Variants in KBTBD12 observed in about 807,000 individuals in gnomAD.
The protein encoded by KBTBD12 is kelch repeat and BTB domain containing 12, also known as kelch repeat and BTB domain-containing protein 12.
Under a neutral mutation model 58.7 loss-of-function variants are expected in KBTBD12, and 53 were observed. The ratio of observed to expected loss-of-function variants is 0.90; its 90% confidence interval spans 0.72 to 1.14. The LOEUF (loss-of-function observed/expected upper bound fraction) is 1.14. Ranked by LOEUF, KBTBD12 falls within the 50% of genes most tolerant of loss-of-function variation. KBTBD12 has a pLI of 0.00. For missense variants in KBTBD12, 704 were observed against 751.3 expected (o/e 0.94, Z 0.74); for synonymous variants, 236 against 259.8 (o/e 0.91, Z 0.88).
At chr3:127,942,244 C>T (rs1010162365) in intron 4 of KBTBD12, among the ~76,000 whole-genome samples, 1 of 152,122 alleles carries the variant, frequency 6.6e-6, no homozygotes, top group African/African-American at 2.4e-5. Flanking sequence ...TATAATCAAG[C>T]TAATTAACAT....
chr3:127,984,330 C>G lies in KBTBD12; in HGVS notation c.*52C>G. On this transcript the variant is annotated 3_prime_UTR_variant, in exon 6 of 6. Coordinates refer to ENST00000405109, the MANE Select transcript of KBTBD12 (RefSeq NM_207335.4). ...TGTTCTGCAAACAAGGCCTTCAGAA[C>G]GGAGAGGGCCCACAGCATCTCTGTC... The G allele has an allele frequency of 6.7e-7, 1 of 1,500,854 alleles. No homozygotes were observed. The allele number at this position is 1,500,854 out of a possible 1,614,324, so 93.0% of individuals were successfully genotyped here. A position where few individuals can be genotyped will look rare whatever the true frequency, so the allele number is the denominator to read the frequency against.
At chr3:127,917,284 TCA>T (rs1188200062) in intron 1 of KBTBD12, among the ~76,000 whole-genome samples, 16 of 152,288 alleles carry the variant, frequency 1.1e-4, no homozygotes, top group African/African-American at 2.6e-4. Context: ...CTAGGGCAGC[TCA>T]CAGAATTCAG....
At chr3:127,948,539 T>G (rs1347337484) in intron 4 of KBTBD12, among the ~76,000 whole-genome samples, 1 of 152,244 alleles carries the variant, frequency 6.6e-6, no homozygotes, top group Non-Finnish European at 1.5e-5. Flanking sequence ...TGTGATGTTT[T>G]TCCATAACTG....
At chr3:127,956,475 A>G (rs551656287) in intron 4 of KBTBD12, among the ~76,000 whole-genome samples, 1 of 152,056 alleles carries the variant, frequency 6.6e-6, no homozygotes, top group Non-Finnish European at 1.5e-5. Flanking sequence ...AAAAAAAAAA[A>G]ATCCTCAAAC....
Position 127,964,359 on chromosome 3 carries a change from C to T in KBTBD12, c.1690+973C>T, listed in dbSNP as rs372160814. ...GTTAAAGAATAAGATGGTGGCTGGG[C>T]GCGGTGGCTCACACCTGTAATCCTA... On this transcript the variant is annotated intron_variant, in intron 5 of 5. Coordinates refer to ENST00000405109, the MANE Select transcript of KBTBD12 (RefSeq NM_207335.4). Among the ~76,000 whole-genome samples the T allele has an allele frequency of 7.2e-5, 11 of 151,948 alleles. No individual in the cohort carries two copies. In the East Asian group the frequency reaches 1.5e-3, roughly 21 times the overall value.
At chr3:127,940,727 A>C (rs1177769080) in intron 4 of KBTBD12, among the ~76,000 whole-genome samples, 1 of 152,128 alleles carries the variant, frequency 6.6e-6, no homozygotes, top group Non-Finnish European at 1.5e-5. Context: ...GAAAACAGGG[A>C]AATTAGAGGC....
At chr3:127,924,164 T>G (rs1336630332) in intron 2 of KBTBD12, 33 bp downstream of exon 2, 1 of 1,384,318 alleles carries the variant, frequency 7.2e-7, no homozygotes, top group Non-Finnish European at 1.0e-6. Context: ...GCTTAATTAT[T>G]TTGTTTTGAT....
At chr3:127,921,473 A>G (rs948938607) in intron 1 of KBTBD12, among the ~76,000 whole-genome samples, 63 of 152,182 alleles carry the variant, frequency 4.1e-4, no homozygotes, top group Non-Finnish European at 7.1e-4. Flanking sequence ...AACCAGGGAA[A>G]GCCCCCATGT....
intron 4 of KBTBD12, among the ~76,000 whole-genome samples, chr3:127,953,068 T>C (rs1379354209): frequency 1.3e-5 from 2 of 152,252 alleles, no homozygotes; most frequent in East Asian, 3.8e-4. Flanking sequence ...TAATAATACA[T>C]TATTAACTCA....
intron 1 of KBTBD12, among the ~76,000 whole-genome samples, chr3:127,921,981 G>A (rs141244842): frequency 1.1e-4 from 17 of 152,238 alleles, no homozygotes; most frequent in Non-Finnish European, 2.2e-4. Context: ...TATTCTCACT[G>A]CTTGCAACTT....
chr3:127,950,989 A>G (rs1231133849), intron 4 of KBTBD12, among the ~76,000 whole-genome samples: 1 of 152,158 alleles, frequency 6.6e-6, no homozygotes, highest in African/African-American at 2.4e-5. Flanking sequence ...AGATCGCACC[A>G]TGCACTCTAA....
chr3:127,922,359 C>A (rs1173286811), intron 1 of KBTBD12, among the ~76,000 whole-genome samples: 2 of 152,052 alleles, frequency 1.3e-5, no homozygotes, highest in African/African-American at 4.8e-5. Context: ...TTTGGTAGTG[C>A]CTTCCAAAGC....
intron 5 of KBTBD12, chr3:127,963,739 A>G (rs1053548173): frequency 5.3e-6 from 1 of 188,602 alleles, no homozygotes; most frequent in Non-Finnish European, 1.1e-5. Context: ...AGCACATAGT[A>G]GACACTCACT....
chr3:127,924,725 A>G (rs1044316665), intron 2 of KBTBD12, among the ~76,000 whole-genome samples: 1 of 152,042 alleles, frequency 6.6e-6, no homozygotes, highest in African/African-American at 2.4e-5. Context: ...TAATTTGTGG[A>G]TTTTGCTTAA....
At chr3:127,954,733 G>C (rs1940285382) in intron 4 of KBTBD12, among the ~76,000 whole-genome samples, 1 of 152,166 alleles carries the variant, frequency 6.6e-6, no homozygotes, top group Non-Finnish European at 1.5e-5. Context: ...TGCCCCTGCA[G>C]CCTCAGCTCC....
intron 4 of KBTBD12, among the ~76,000 whole-genome samples, chr3:127,944,356 TC>T (rs1204516384): frequency 2.0e-5 from 3 of 152,222 alleles, no homozygotes; most frequent in Non-Finnish European, 2.9e-5. Flanking sequence ...TTATTTTTTT[TC>T]ATCAGTGTTT....
intron 4 of KBTBD12, among the ~76,000 whole-genome samples, chr3:127,942,174 TA>T (rs1458554284): frequency 1.3e-5 from 2 of 152,200 alleles, no homozygotes; most frequent in Non-Finnish European, 2.9e-5. Flanking sequence ...CATTTACTTT[TA>T]AAAAATGTAT....
At chr3:127,929,374 C>T (rs1392791141) in intron 3 of KBTBD12, among the ~76,000 whole-genome samples, 1 of 152,112 alleles carries the variant, frequency 6.6e-6, no homozygotes, top group Non-Finnish European at 1.5e-5. Flanking sequence ...CTTTGTTGAA[C>T]ACTTGTATCC....
In KBTBD12 at chr3:127,923,936, G is replaced by A. The variant is rs200396734; in HGVS notation, c.875G>A (p.Arg292Lys). ...TCTTCAGGAATCAGATCAAGACATA[G>A]GAGCTATGGGGATGCCAGTTTTTGT... is the stretch of plus-strand genomic sequence containing the variant. ...NNSSGIRSRH[R>K]SYGDASFCYD... Residue 292 changes from arginine (R) to lysine (K), a missense_variant, in exon 2 of 6, where the codon AGG becomes AAG. Arg to Lys is a conservative substitution (Grantham distance 26). Transcript: ENST00000405109. The A allele has an allele frequency of 2.9e-5, 47 of 1,613,866 alleles. No homozygotes were observed. The highest frequency in any genetic ancestry group is 4.0e-5 in the Non-Finnish European group (47 of 1,179,822).
Sources: allele counts gnomAD v4.1 joint callset (sites outside exome capture counted in the v4.1 genomes callset), GRCh38; gene constraint gnomAD v4.1.1; transcripts MANE v1.5; gene names NCBI Gene and HGNC (gene_info 2026-07-23, HGNC 2026-07-21).